The following SUSD4 variants were observed in gnomAD, a reference collection of about 807,000 sequenced individuals.
The protein encoded by SUSD4 is sushi domain-containing protein 4.
In SUSD4, 41 loss-of-function variants were observed where a neutral mutation model predicts 50.5. The ratio of observed to expected loss-of-function variants is 0.81; its 90% confidence interval spans 0.63 to 1.05. The LOEUF is 1.05. Ranked by LOEUF, SUSD4 falls within the 50% of genes least tolerant of loss-of-function variation. SUSD4 has a pLI of 0.00. For missense variants in SUSD4, 580 were observed against 634.7 expected, an observed-to-expected ratio of 0.91 and a Z score of 0.93; for synonymous variants, 257 against 257.3, an observed-to-expected ratio of 1.00 and a Z score of 0.01.
intron 2 of SUSD4, among the ~76,000 whole-genome samples, chr1:223,310,287 G>C (rs1397980735): frequency 1.3e-5 from 2 of 152,068 alleles, no homozygotes; most frequent in South Asian, 4.1e-4. Flanking sequence ...CAAGGATGTG[G>C]ACTCCCTGCT....
chr1:223,331,591 C>T (rs1667177652), intron 2 of SUSD4, among the ~76,000 whole-genome samples: 1 of 152,182 alleles, frequency 6.6e-6, no homozygotes, highest in Admixed American at 6.5e-5. Flanking sequence ...ATCTCCGAGG[C>T]CTTTGATGCT....
intron 2 of SUSD4, among the ~76,000 whole-genome samples, chr1:223,318,934 T>C (rs1369086896): frequency 1.2e-4 from 10 of 85,158 alleles, no homozygotes; most frequent in Admixed American, 1.4e-4. Context: ...CAAAACAGCA[T>C]GGTACTGGTA....
chr1:223,328,039 T>C (rs1666975271), intron 2 of SUSD4, among the ~76,000 whole-genome samples: 1 of 151,094 alleles, frequency 6.6e-6, no homozygotes, highest in Non-Finnish European at 1.5e-5. Flanking sequence ...TACTCAAGAG[T>C]GGAGAAAGAG....
intron 2 of SUSD4, among the ~76,000 whole-genome samples, chr1:223,334,745 T>C (rs886185178): frequency 1.3e-5 from 2 of 152,186 alleles, no homozygotes; most frequent in Non-Finnish European, 1.5e-5. Flanking sequence ...TTTGGTTACA[T>C]GAGTAAGTTC....
chr1:223,283,895 G>A (rs187579858), intron 3 of SUSD4, among the ~76,000 whole-genome samples: 13 of 152,242 alleles, frequency 8.5e-5, no homozygotes, highest in South Asian at 4.1e-4. Flanking sequence ...GGAATACTAC[G>A]CAGCCATAAA....
chr1:223,317,851 C>CTTTTTTTTTTTTTTTTTT (rs1172641015), intron 2 of SUSD4, among the ~76,000 whole-genome samples: 48 of 100,730 alleles, frequency 4.8e-4, no homozygotes, highest in African/African-American at 7.1e-4. Flanking sequence ...TTTTTTTTTT[C>CTTTTTTTTTTTTTTTTTT]TTTTTTTTTT....
intron 2 of SUSD4, among the ~76,000 whole-genome samples, chr1:223,323,579 TAAATGGCAGGGTAGACCACCC>T (rs1666712160): frequency 6.6e-6 from 1 of 152,060 alleles, no homozygotes; most frequent in Non-Finnish European, 1.5e-5. Context: ...GCTTCATAGC[TAAATGGCAGGGTAGACCACCC>T]AGGCCAGGTA....
chr1:223,257,897 C>G (rs1661811291), intron 5 of SUSD4, among the ~76,000 whole-genome samples: 1 of 152,162 alleles, frequency 6.6e-6, no homozygotes, highest in Non-Finnish European at 1.5e-5. Flanking sequence ...TGGGCCTCAT[C>G]ATGAACAGTA....
intron 2 of SUSD4, among the ~76,000 whole-genome samples, chr1:223,328,532 T>C (rs1422141597): frequency 1.3e-5 from 2 of 152,212 alleles, no homozygotes; most frequent in African/African-American, 4.8e-5. Flanking sequence ...TACCTCTGTG[T>C]TTATTTTTCC....
At chr1:223,348,732 T>C in intron 2 of SUSD4, among the ~76,000 whole-genome samples, 1 of 152,190 alleles carries the variant, frequency 6.6e-6, no homozygotes, top group East Asian at 1.9e-4. Context: ...TGAGAACTGT[T>C]TCCTTCTCTT....
chr1:223,355,641 GA>G (rs1466160615), intron 2 of SUSD4, among the ~76,000 whole-genome samples: 1 of 151,942 alleles, frequency 6.6e-6, no homozygotes, highest in East Asian at 1.9e-4. Flanking sequence ...GTTACTCTGA[GA>G]AAAAAAGGAA....
intron 3 of SUSD4, among the ~76,000 whole-genome samples, chr1:223,273,254 G>T (rs1369075999): frequency 2.0e-5 from 3 of 152,222 alleles, no homozygotes; most frequent in Non-Finnish European, 2.9e-5. Context: ...AGATCATGCA[G>T]GGCTTTGTAG....
intron 2 of SUSD4, among the ~76,000 whole-genome samples, chr1:223,349,774 C>T (rs1228088614): frequency 1.3e-5 from 2 of 152,170 alleles, no homozygotes; most frequent in East Asian, 3.9e-4. Context: ...CCATATTTCC[C>T]CTAGCTGGGA....
At chr1:223,249,967 G>A (rs1337160002) in intron 5 of SUSD4, among the ~76,000 whole-genome samples, 1 of 152,166 alleles carries the variant, frequency 6.6e-6, no homozygotes, top group African/African-American at 2.4e-5. Context: ...GAAGACATAA[G>A]AAAATCAGTG....
At chr1:223,275,224 A>G (rs1663176624) in intron 3 of SUSD4, among the ~76,000 whole-genome samples, 1 of 152,212 alleles carries the variant, frequency 6.6e-6, no homozygotes, top group Admixed American at 6.5e-5. Context: ...AAAACCTCAA[A>G]TATTTGCCAG....
chr1:223,357,022 C>G (rs1424753917), intron 2 of SUSD4, among the ~76,000 whole-genome samples: 3 of 152,172 alleles, frequency 2.0e-5, no homozygotes, highest in Non-Finnish European at 2.9e-5. Context: ...GGAATGGTGA[C>G]GGCAGTGACA....
chr1:223,251,142 T>C (rs1367875209), intron 5 of SUSD4, among the ~76,000 whole-genome samples: 1 of 152,168 alleles, frequency 6.6e-6, no homozygotes, highest in Non-Finnish European at 1.5e-5. Context: ...AGTCTGTTCA[T>C]TGTATTGCTA....
intron 5 of SUSD4, among the ~76,000 whole-genome samples, chr1:223,246,018 A>G (rs1660900290): frequency 6.6e-6 from 1 of 152,208 alleles, no homozygotes; most frequent in African/African-American, 2.4e-5. Flanking sequence ...AGGCAGCCAG[A>G]GAAAGAGTCT....
intron 3 of SUSD4, among the ~76,000 whole-genome samples, chr1:223,290,651 T>C (rs766355331): frequency 5.9e-5 from 9 of 152,128 alleles, no homozygotes; most frequent in Middle Eastern, 3.4e-3. Context: ...TGGGGCTGAG[T>C]GTTAAGAACT....
Sources: allele counts gnomAD v4.1 joint callset (sites outside exome capture counted in the v4.1 genomes callset), GRCh38; gene constraint gnomAD v4.1.1; transcripts MANE v1.5; gene names NCBI Gene and HGNC (gene_info 2026-07-23, HGNC 2026-07-21).